The following CTNNA2 variants were observed in gnomAD, a reference collection of about 807,000 sequenced individuals.
CTNNA2 encodes the protein catenin alpha 2.
CTNNA2 carries 42 observed loss-of-function variants against 101.0 expected under a neutral mutation model. That is an observed-to-expected ratio of 0.42 (90% CI 0.32 to 0.54). The LOEUF is 0.54. Ranked by LOEUF, CTNNA2 falls within the 20% of genes least tolerant of loss-of-function variation. The probability of loss-of-function intolerance (pLI) is 0.14; values close to 1 mark genes in which losing one functional copy is unlikely to be tolerated. For missense variants in CTNNA2, 871 were observed against 1,223.1 expected, an observed-to-expected ratio of 0.71 and a Z score of 4.29; for synonymous variants, 450 against 456.4, an observed-to-expected ratio of 0.99 and a Z score of 0.18.
At chr2:80,340,158 G>A (rs1451445167) in intron 7 of CTNNA2, among the ~76,000 whole-genome samples, 1 of 152,134 alleles carries the variant, frequency 6.6e-6, no homozygotes, top group East Asian at 1.9e-4. Context: ...CTCAGTACTT[G>A]CCAGATTCTT....
At chr2:79,627,723 A>G (rs1216531015) in intron 1 of CTNNA2, among the ~76,000 whole-genome samples, 1 of 152,214 alleles carries the variant, frequency 6.6e-6, no homozygotes, top group Middle Eastern at 3.2e-3. Context: ...AATCTTTTGC[A>G]TAAGTAAATC....
chr2:79,439,279 C>G (rs572154980), intron 4 of CTNNA2, among the ~76,000 whole-genome samples: 2 of 152,100 alleles, frequency 1.3e-5, no homozygotes, highest in South Asian at 4.1e-4. Context: ...CATGGGTAAA[C>G]CTTTTAAACA....
At chr2:80,595,281 T>C (rs1463341373) in intron 15 of CTNNA2, among the ~76,000 whole-genome samples, 1 of 140,472 alleles carries the variant, frequency 7.1e-6, no homozygotes, top group Non-Finnish European at 1.5e-5. Flanking sequence ...CATTTTCTTT[T>C]AGGATTTTTT....
At chr2:80,284,932 G>C (rs1674636718) in intron 7 of CTNNA2, among the ~76,000 whole-genome samples, 1 of 152,162 alleles carries the variant, frequency 6.6e-6, no homozygotes, top group Non-Finnish European at 1.5e-5. Context: ...GAGCACAGTG[G>C]AGTCTCTTTC....
intron 2 of CTNNA2, among the ~76,000 whole-genome samples, chr2:79,304,727 C>T (rs1418996668): frequency 1.3e-5 from 2 of 152,104 alleles, no homozygotes; most frequent in African/African-American, 2.4e-5. Context: ...AAAAATTGAG[C>T]AAAGCCAAAT....
intron 7 of CTNNA2, chr2:80,163,034 A>G: frequency 6.4e-7 from 1 of 1,564,250 alleles, no homozygotes; most frequent in Non-Finnish European, 8.8e-7. Flanking sequence ...GTTTGATTCC[A>G]TTAAGTAGAT....
At chr2:80,618,125 G>A (rs1274398902) in intron 17 of CTNNA2, among the ~76,000 whole-genome samples, 1 of 151,742 alleles carries the variant, frequency 6.6e-6, no homozygotes, top group Non-Finnish European at 1.5e-5. Context: ...AAATACTTTA[G>A]TGGTCTACAT....
At chr2:79,440,016 A>G (rs1416163960) in intron 4 of CTNNA2, among the ~76,000 whole-genome samples, 1 of 152,206 alleles carries the variant, frequency 6.6e-6, no homozygotes, top group Non-Finnish European at 1.5e-5. Flanking sequence ...ATTATAAGGC[A>G]TATTACTTTA....
intron 2 of CTNNA2, among the ~76,000 whole-genome samples, chr2:79,255,765 C>G (rs1305655043): frequency 1.3e-5 from 2 of 152,166 alleles, no homozygotes; most frequent in Non-Finnish European, 2.9e-5. Flanking sequence ...CCTTGTGTAG[C>G]TTAAAATCAG....
chr2:79,639,595 G>A (rs1304818377), intron 1 of CTNNA2, among the ~76,000 whole-genome samples: 1 of 151,774 alleles, frequency 6.6e-6, no homozygotes, highest in African/African-American at 2.4e-5. Context: ...AAAATTGGTT[G>A]TCTAACTTTT....
At chr2:79,836,116 A>G (rs1429198142) in intron 3 of CTNNA2, among the ~76,000 whole-genome samples, 1 of 151,554 alleles carries the variant, frequency 6.6e-6, no homozygotes, top group African/African-American at 2.4e-5. Context: ...TTCACAGACA[A>G]CTCCTGCCAA....
chr2:79,449,649 A>G (rs1678868050), intron 4 of CTNNA2, among the ~76,000 whole-genome samples: 2 of 151,890 alleles, frequency 1.3e-5, no homozygotes, highest in South Asian at 2.1e-4. Context: ...ATCACTACAT[A>G]TTGCTTTCCT....
At chr2:80,063,743 C>G (rs1697773459) in intron 7 of CTNNA2, among the ~76,000 whole-genome samples, 1 of 152,194 alleles carries the variant, frequency 6.6e-6, no homozygotes. Flanking sequence ...TCATTCCAGC[C>G]TGTTTTATTC....
At chr2:80,373,723 G>T (rs1235917138) in intron 7 of CTNNA2, among the ~76,000 whole-genome samples, 2 of 152,194 alleles carry the variant, frequency 1.3e-5, no homozygotes, top group African/African-American at 2.4e-5. Context: ...GAAAGCCTGA[G>T]GAAACCAGCC....
intron 2 of CTNNA2, among the ~76,000 whole-genome samples, chr2:79,204,551 G>A (rs927587185): frequency 6.6e-6 from 1 of 152,164 alleles, no homozygotes; most frequent in African/African-American, 2.4e-5. Flanking sequence ...AGTCTTTGAG[G>A]AGATTTTAAA....
chr2:79,717,668 G>GA (rs1371053792), intron 2 of CTNNA2, among the ~76,000 whole-genome samples: 1 of 152,158 alleles, frequency 6.6e-6, no homozygotes, highest in Non-Finnish European at 1.5e-5. Flanking sequence ...CACATGGTAG[G>GA]AAAAAATTAG....
chr2:79,860,042 G>A (rs896422759), intron 4 of CTNNA2, among the ~76,000 whole-genome samples: 9 of 152,130 alleles, frequency 5.9e-5, no homozygotes, highest in Non-Finnish European at 1.3e-4. Context: ...CTTGTAGGCT[G>A]CCACACTGGC....
chr2:79,449,978 G>T lies in CTNNA2; in HGVS notation c.-134-55076G>T, dbSNP rs528994248. The stretch of plus-strand genomic sequence containing the variant: ...CGAACGCACAGATATTTCTATTCCA[G>T]TTTCTTCCAGTACTCATTAGAAGAA... On this transcript the variant is annotated intron_variant, in intron 4 of 21. Transcript: ENST00000466387. Among the ~76,000 whole-genome samples the T allele has an allele frequency of 7.9e-5, 12 of 152,076 alleles. No homozygotes were observed. The South Asian group carries it at 2.5e-3, about 32-fold the overall frequency.
At chr2:79,192,160 C>T (rs1225770727) in intron 1 of CTNNA2, among the ~76,000 whole-genome samples, 1 of 151,634 alleles carries the variant, frequency 6.6e-6, no homozygotes, top group Non-Finnish European at 1.5e-5. Flanking sequence ...GGGGGTGTAA[C>T]GAGGCGTGAC....
Sources: gnomAD v4.1 joint callset for allele counts (sites outside exome capture counted in the v4.1 genomes callset) on GRCh38, gnomAD v4.1.1 for gene constraint, MANE v1.5 for transcripts, NCBI Gene and HGNC (gene_info 2026-07-23, HGNC 2026-07-21) for gene names.